The following PRKG2 variants were observed in gnomAD, a reference collection of about 807,000 sequenced individuals.
PRKG2 encodes the protein cGMP-dependent protein kinase 2.
PRKG2 carries 33 observed loss-of-function variants against 97.2 expected under a neutral mutation model. The ratio of observed to expected loss-of-function variants is 0.34; its 90% confidence interval spans 0.26 to 0.45. PRKG2 has a LOEUF of 0.45. Ranked by LOEUF, PRKG2 falls within the 20% of genes least tolerant of loss-of-function variation. The pLI, the probability that PRKG2 is intolerant of heterozygous loss-of-function variation, is 1.00. For synonymous variants in PRKG2, 330 were observed against 321.8 expected (o/e 1.03, Z -0.27); for missense variants, 638 against 900.0 (o/e 0.71, Z 3.73).
chr4:81,137,197 CAG>C (rs1746794746), intron 13 of PRKG2, among the ~76,000 whole-genome samples, 194 bp downstream of exon 13: 1 of 152,170 alleles, frequency 6.6e-6, no homozygotes, highest in South Asian at 2.1e-4. Context: ...CTTCCTAAAA[CAG>C]AGATGACAAC....
At chr4:81,099,194 G>C (rs938995330) in intron 17 of PRKG2, among the ~76,000 whole-genome samples, 1 of 152,140 alleles carries the variant, frequency 6.6e-6, no homozygotes, top group Non-Finnish European at 1.5e-5. Flanking sequence ...ATTTAATATA[G>C]AATGGACAGA....
chr4:81,151,061 T>C (rs1327847273), intron 8 of PRKG2, among the ~76,000 whole-genome samples: 1 of 152,058 alleles, frequency 6.6e-6, no homozygotes, highest in African/African-American at 2.4e-5. Flanking sequence ...TCTGAACACT[T>C]TTTCTTTGCT....
chr4:81,156,873 G>T (rs1749146168), intron 6 of PRKG2, among the ~76,000 whole-genome samples: 1 of 152,188 alleles, frequency 6.6e-6, no homozygotes, highest in African/African-American at 2.4e-5. Flanking sequence ...GATGTTCTTT[G>T]AAACCAACAA....
intron 14 of PRKG2, among the ~76,000 whole-genome samples, chr4:81,120,897 T>C (rs572953847): frequency 6.6e-6 from 1 of 152,322 alleles, no homozygotes; most frequent in East Asian, 1.9e-4. Context: ...GTTTCTGGTT[T>C]CTCACCATTA....
At chr4:81,180,410 G>C (rs181103237) in intron 2 of PRKG2, among the ~76,000 whole-genome samples, 1 of 152,078 alleles carries the variant, frequency 6.6e-6, no homozygotes, top group East Asian at 1.9e-4. Context: ...ATGCCTTAAA[G>C]ATAATGTATG....
At chr4:81,125,800 T>A (rs1177624267) in intron 14 of PRKG2, among the ~76,000 whole-genome samples, 1 of 152,152 alleles carries the variant, frequency 6.6e-6, no homozygotes, top group Non-Finnish European at 1.5e-5. Flanking sequence ...AAATGGTAAA[T>A]CTGTGGTTTT....
intron 2 of PRKG2, among the ~76,000 whole-genome samples, chr4:81,183,318 A>AGAGTGGG (rs1266193175): frequency 6.6e-6 from 1 of 151,998 alleles, no homozygotes; most frequent in Non-Finnish European, 1.5e-5. Flanking sequence ...GACTGGTTAG[A>AGAGTGGG]GAGTGGGTGC....
intron 14 of PRKG2, among the ~76,000 whole-genome samples, chr4:81,116,403 T>C (rs1485198447): frequency 6.6e-6 from 1 of 152,240 alleles, no homozygotes; most frequent in Admixed American, 6.5e-5. Context: ...CCATGTTATA[T>C]ATGTACAACA....
At chr4:81,092,298 T>C (rs1307369363) in intron 18 of PRKG2, 88 bp downstream of exon 18, 1 of 739,594 alleles carries the variant, frequency 1.4e-6, no homozygotes, top group East Asian at 3.0e-5. Flanking sequence ...AAATCTGTTA[T>C]GGGCATATAC....
At chr4:81,157,308 G>A (rs1406753830) in intron 6 of PRKG2, among the ~76,000 whole-genome samples, 9 of 152,208 alleles carry the variant, frequency 5.9e-5, no homozygotes, top group African/African-American at 1.7e-4. Context: ...ACACCTCTAC[G>A]CAAATAAACT....
intron 9 of PRKG2, among the ~76,000 whole-genome samples, chr4:81,147,456 AGTCCTAT>A (rs1235118692): frequency 2.6e-5 from 4 of 152,154 alleles, no homozygotes; most frequent in African/African-American, 9.7e-5. Flanking sequence ...ACACTTTTCT[AGTCCTAT>A]GTTTTTGCTT....
chr4:81,144,597 T>A lies in PRKG2; in HGVS notation c.1155-267A>T, dbSNP rs545208722. Among the ~76,000 whole-genome samples, 4 of 128,160 alleles carry A rather than the reference T, an allele frequency of 3.1e-5. No homozygotes were observed. In the South Asian group the frequency reaches 9.2e-4, roughly 30 times the overall value. The allele number at this position is 128,160 out of a possible 152,430, so 84.1% of individuals were successfully genotyped here. ...GTTTTCTGCCTTGTATTTAAGGTTATATATATATATATATTTTTTTTTTAT... is the reference window on the plus strand; with the variant it reads ...GTTTTCTGCCTTGTATTTAAGGTTAAATATATATATATATTTTTTTTTTAT... On this transcript the variant is annotated intron_variant, in intron 9 of 18. Transcript: ENST00000264399.
At chr4:81,109,594 G>C (rs967101002) in intron 15 of PRKG2, among the ~76,000 whole-genome samples, 4 of 151,786 alleles carry the variant, frequency 2.6e-5, no homozygotes, top group African/African-American at 9.7e-5. Flanking sequence ...TCTCTCACCT[G>C]GTTTTCTAAT....
intron 14 of PRKG2, 135 bp downstream of exon 14, chr4:81,135,020 G>A: frequency 2.6e-6 from 2 of 770,038 alleles, no homozygotes; most frequent in Non-Finnish European, 3.9e-6. Flanking sequence ...AGTATTGTCG[G>A]GAAATGTCAA....
At chr4:81,126,185 T>C (rs888067413) in intron 14 of PRKG2, among the ~76,000 whole-genome samples, 9 of 152,224 alleles carry the variant, frequency 5.9e-5, no homozygotes, top group African/African-American at 1.9e-4. Context: ...GCTTCATCCA[T>C]GTCCCTGCAA....
chr4:81,125,834 C>T (rs1329697724), intron 14 of PRKG2, among the ~76,000 whole-genome samples: 1 of 152,062 alleles, frequency 6.6e-6, no homozygotes, highest in Non-Finnish European at 1.5e-5. Context: ...TTGATGCCTA[C>T]TGACGTGACT....
intron 14 of PRKG2, among the ~76,000 whole-genome samples, chr4:81,133,314 T>C (rs1195067224): frequency 2.6e-5 from 4 of 152,134 alleles, no homozygotes; most frequent in Admixed American, 1.3e-4. Context: ...TTGTTTCCTA[T>C]TTCTCCAGCA....
At chr4:81,206,110 T>C (rs1025839379) in intron 1 of PRKG2, among the ~76,000 whole-genome samples, 10 of 152,234 alleles carry the variant, frequency 6.6e-5, no homozygotes, top group East Asian at 1.9e-4. Flanking sequence ...CTGCAGATAA[T>C]AAGCACACAC....
chr4:81,114,288 C>G (rs1490763695), intron 14 of PRKG2, among the ~76,000 whole-genome samples: 1 of 150,500 alleles, frequency 6.6e-6, no homozygotes, highest in Non-Finnish European at 1.5e-5. Flanking sequence ...ACCCCTATAG[C>G]ATTTGCAACA....
Sources: allele counts gnomAD v4.1 joint callset (sites outside exome capture counted in the v4.1 genomes callset), GRCh38; gene constraint gnomAD v4.1.1; transcripts MANE v1.5; gene names NCBI Gene and HGNC (gene_info 2026-07-23, HGNC 2026-07-21).